MROH9: variants seen among roughly 807,000 people sequenced by gnomAD.
MROH9 encodes maestro heat like repeat family member 9.
MROH9 carries 92 observed loss-of-function variants against 98.2 expected under a neutral mutation model. The observed-to-expected ratio is 0.94, with a 90% confidence interval of 0.79 to 1.11. MROH9 has a LOEUF of 1.11. MROH9 is among the 50% of genes most tolerant of loss of function. The probability of loss-of-function intolerance (pLI) is 0.00; values close to 1 mark genes in which losing one functional copy is unlikely to be tolerated. For missense variants in MROH9, 1,057 were observed against 1,014.8 expected (o/e 1.04, Z -0.57); for synonymous variants, 397 against 368.9 (o/e 1.08, Z -0.87).
At chr1:170,944,020 TAATAAA>T (rs2101867967) in intron 1 of MROH9, among the ~76,000 whole-genome samples, 1 of 152,112 alleles carries the variant, frequency 6.6e-6, no homozygotes, top group East Asian at 1.9e-4. Flanking sequence ...ATAACAATTA[TAATAAA>T]AATAAAAGAT....
intron 7 of MROH9, among the ~76,000 whole-genome samples, chr1:170,970,979 A>C (rs1173446339): frequency 6.6e-6 from 1 of 152,164 alleles, no homozygotes. Flanking sequence ...AGTTTGCCAA[A>C]TCTACATTTA....
intron 20 of MROH9, among the ~76,000 whole-genome samples, chr1:171,042,613 G>C (rs1653343308): frequency 6.6e-6 from 1 of 151,934 alleles, no homozygotes; most frequent in African/African-American, 2.4e-5. Flanking sequence ...CAACAGTGTA[G>C]AGGGTCCCCA....
In MROH9 at chr1:170,959,448, C is replaced by T. The variant is rs1649923468; in HGVS notation, c.153-14C>T. On this transcript the variant is annotated splice_polypyrimidine_tract_variant and intron_variant, in intron 4 of 21. Coordinates refer to ENST00000367759, the MANE Select transcript of MROH9 (RefSeq NM_001163629.2). ...GTTTTCTCATCATTAATAATTGCTC[C>T]TTTTTCTTGTCAGCTTTGTGGATCC... 6.3e-7 allele frequency: 1 copy of T among 1,583,418 alleles called. No homozygotes were observed. The highest frequency in any genetic ancestry group is 8.6e-7 in the Non-Finnish European group (1 of 1,168,506).
chr1:171,026,054 A>G (rs1331015486), intron 20 of MROH9, among the ~76,000 whole-genome samples: 1 of 152,170 alleles, frequency 6.6e-6, no homozygotes, highest in East Asian at 1.9e-4. Context: ...AGTAACAGGA[A>G]CAGCAAAGAA....
intron 20 of MROH9, among the ~76,000 whole-genome samples, chr1:171,056,821 G>C (rs1653853119): frequency 6.6e-6 from 1 of 152,178 alleles, no homozygotes; most frequent in South Asian, 2.1e-4. Context: ...GAGTAAACCA[G>C]ATGAATAGGG....
intron 17 of MROH9, among the ~76,000 whole-genome samples, chr1:171,017,750 T>G (rs1358825847): frequency 6.6e-6 from 1 of 152,098 alleles, no homozygotes; most frequent in Admixed American, 6.5e-5. Flanking sequence ...CCAAGAGGTA[T>G]CCCCCATAGC....
rs577772727 is a variant in MROH9 at position 171,038,078 on chromosome 1, T to C, written c.2281+12658T>C. Among the ~76,000 whole-genome samples, 16 of 152,172 alleles carry C rather than the reference T, an allele frequency of 1.1e-4. 2 individuals are homozygous for C. Among genetic ancestry groups the C allele is most frequent in the African/African-American group, 3.4e-4 (14 of 41,568 alleles). ...AAGCCATAAAGAAAAGATTGATAAC[T>C]ATGTAAAAATGAAACGGTATTGCAA... On this transcript the variant is annotated intron_variant, in intron 20 of 21. Transcript: ENST00000367759.
At chr1:170,955,607 T>G (rs1240931016) in intron 3 of MROH9, among the ~76,000 whole-genome samples, 1 of 152,220 alleles carries the variant, frequency 6.6e-6, no homozygotes, top group East Asian at 1.9e-4. Flanking sequence ...TGTTGGCCAT[T>G]TGTATATCTT....
intron 15 of MROH9, among the ~76,000 whole-genome samples, chr1:171,010,259 G>A (rs553853138): frequency 6.6e-6 from 1 of 152,230 alleles, no homozygotes; most frequent in South Asian, 2.1e-4. Flanking sequence ...CCATGTCCCT[G>A]CAAAGGACAT....
intron 1 of MROH9, among the ~76,000 whole-genome samples, chr1:170,937,952 T>C (rs980107051): frequency 6.6e-6 from 1 of 152,212 alleles, no homozygotes; most frequent in African/African-American, 2.4e-5. Flanking sequence ...TCACTAGTAG[T>C]CCTACCTGCA....
At chr1:170,960,867 A>C (rs1313448041) in intron 5 of MROH9, among the ~76,000 whole-genome samples, 1 of 152,094 alleles carries the variant, frequency 6.6e-6, no homozygotes, top group African/African-American at 2.4e-5. Context: ...GAACTCTAGC[A>C]ATCCTCCCAC....
intron 20 of MROH9, among the ~76,000 whole-genome samples, chr1:171,025,990 G>C (rs540933368): frequency 7.2e-5 from 11 of 152,268 alleles, no homozygotes; most frequent in Admixed American, 6.5e-4. Context: ...CAGCTTAGTA[G>C]TGAGTCTCCA....
intron 12 of MROH9, among the ~76,000 whole-genome samples, 173 bp from the exon 13 acceptor site, chr1:170,995,216 A>C (rs1226796798): frequency 6.6e-6 from 1 of 152,168 alleles, no homozygotes; most frequent in Non-Finnish European, 1.5e-5. Flanking sequence ...TTCCTAGCTC[A>C]CAACTGATGT....
intron 19 of MROH9, 22 bp from the exon 20 acceptor site, chr1:171,025,295 CT>C (rs1652669122): frequency 3.5e-6 from 5 of 1,433,942 alleles, no homozygotes; most frequent in Non-Finnish European, 4.8e-6. Context: ...GAGTGAGGTG[CT>C]TTTTTCCCTT....
chr1:171,023,506 A>T (rs1008993686), intron 17 of MROH9, among the ~76,000 whole-genome samples: 1 of 152,170 alleles, frequency 6.6e-6, no homozygotes, highest in Non-Finnish European at 1.5e-5. Context: ...ATGTTATTAA[A>T]TACTAATCAT....
intron 17 of MROH9, among the ~76,000 whole-genome samples, chr1:171,019,305 C>T (rs1184892947): frequency 6.6e-6 from 1 of 152,176 alleles, no homozygotes; most frequent in Non-Finnish European, 1.5e-5. Context: ...CTGTGGGACA[C>T]AGCTACAGCG....
At chr1:171,024,954 C>A (rs1205580395) in intron 19 of MROH9, among the ~76,000 whole-genome samples, 189 bp downstream of exon 19, 1 of 152,188 alleles carries the variant, frequency 6.6e-6, no homozygotes, top group Admixed American at 6.5e-5. Context: ...CTTCCTATTT[C>A]TCAACACTGA....
At chr1:171,029,810 A>G (rs911705262) in intron 20 of MROH9, among the ~76,000 whole-genome samples, 1 of 152,206 alleles carries the variant, frequency 6.6e-6, no homozygotes, top group African/African-American at 2.4e-5. Context: ...CTGGCTTCAT[A>G]AAATGAGTTA....
chr1:170,946,859 T>G (rs976507131), intron 2 of MROH9, among the ~76,000 whole-genome samples: 5 of 152,050 alleles, frequency 3.3e-5, no homozygotes, highest in Non-Finnish European at 5.9e-5. Context: ...ATTAAATTAT[T>G]TTGATAACAT....
Sources: allele counts gnomAD v4.1 joint callset (sites outside exome capture counted in the v4.1 genomes callset), GRCh38; gene constraint gnomAD v4.1.1; transcripts MANE v1.5; gene names NCBI Gene and HGNC (gene_info 2026-07-23, HGNC 2026-07-21).